The following GPR155 variants were observed in gnomAD, a reference collection of about 807,000 sequenced individuals.
GPR155 encodes G protein-coupled receptor 155.
In GPR155, 65 loss-of-function variants were observed where a neutral mutation model predicts 93.1. The observed-to-expected ratio is 0.70, with a 90% CI of 0.57 to 0.86. GPR155 has a LOEUF of 0.86. Ranked by LOEUF, GPR155 falls within the 40% of genes least tolerant of loss-of-function variation. GPR155 has a pLI of 0.00. For missense variants in GPR155, 838 were observed against 1,034.8 expected (o/e 0.81, Z 2.61); for synonymous variants, 319 against 360.1 (o/e 0.89, Z 1.29).
intron 11 of GPR155, among the ~76,000 whole-genome samples, 188 bp from the exon 12 acceptor site, chr2:174,446,935 T>TA (rs1687150558): frequency 1.3e-5 from 2 of 152,212 alleles, no homozygotes; most frequent in Non-Finnish European, 2.9e-5. Context: ...GAAATGTTTT[T>TA]ATCTCAAAAA....
chr2:174,448,541 T>G (rs1170900864), intron 11 of GPR155, among the ~76,000 whole-genome samples: 18 of 144,372 alleles, frequency 1.2e-4, no homozygotes, highest in East Asian at 4.1e-4. Flanking sequence ...TTTTTTTTTT[T>G]TTTTTTTGAG....
intron 15 of GPR155, among the ~76,000 whole-genome samples, chr2:174,438,075 C>CA (rs2105660475): frequency 6.6e-6 from 1 of 151,656 alleles, no homozygotes; most frequent in African/African-American, 2.4e-5. Context: ...GCCAACATGG[C>CA]AAAACTCCAT....
chr2:174,454,359 A>G (rs1687425091), intron 10 of GPR155, among the ~76,000 whole-genome samples: 1 of 151,754 alleles, frequency 6.6e-6, no homozygotes, highest in Non-Finnish European at 1.5e-5. Flanking sequence ...CTGGTCTAGA[A>G]CTCCCGACCT....
At chr2:174,480,103 G>A (rs1033797965) in intron 2 of GPR155, among the ~76,000 whole-genome samples, 1 of 152,164 alleles carries the variant, frequency 6.6e-6, no homozygotes. Flanking sequence ...AAACTGCTAG[G>A]TAAGAAACTT....
At chr2:174,445,817 AGTTAT>A (rs2105677156) in intron 12 of GPR155, among the ~76,000 whole-genome samples, 1 of 152,244 alleles carries the variant, frequency 6.6e-6, no homozygotes, top group South Asian at 2.1e-4. Flanking sequence ...TATATGAAGT[AGTTAT>A]GTTATTTTGA....
intron 10 of GPR155, among the ~76,000 whole-genome samples, chr2:174,455,999 G>A (rs1165200944): frequency 6.6e-6 from 1 of 151,834 alleles, no homozygotes; most frequent in Admixed American, 6.6e-5. Flanking sequence ...TGCCACCACA[G>A]CCTGGCAAAT....
At chr2:174,461,883 T>C (rs1687707773) in intron 7 of GPR155, among the ~76,000 whole-genome samples, 1 of 152,182 alleles carries the variant, frequency 6.6e-6, no homozygotes, top group African/African-American at 2.4e-5. Context: ...TCATATATTG[T>C]TTCTTTACTC....
chr2:174,445,006 C>G, intron 13 of GPR155, 75 bp downstream of exon 13: 1 of 745,396 alleles, frequency 1.3e-6, no homozygotes, highest in Non-Finnish European at 2.4e-6. Context: ...ATCCACTCCC[C>G]GCTTCCCCCG....
Position 174,468,770 on chromosome 2 carries a change from G to C in GPR155, c.1182+142C>G. The C allele has an allele frequency of 6.8e-6, 5 of 735,896 alleles. No individual in the cohort carries two copies. In the South Asian group the frequency reaches 7.7e-5, roughly 11 times the overall value. The allele number at this position is 735,896 out of a possible 1,614,324, so 45.6% of individuals were successfully genotyped here. Reference sequence around the variant, plus strand: ...TAGAAAAACAAAACTCAGTTAATCAGAAGGCTGACATTATATTTTATGGGC... The same window carrying C: ...TAGAAAAACAAAACTCAGTTAATCACAAGGCTGACATTATATTTTATGGGC... On this transcript the variant is annotated intron_variant, in intron 5 of 15. Coordinates refer to ENST00000392552, the MANE Select transcript of GPR155 (RefSeq NM_152529.7).
Position 174,477,910 on chromosome 2 carries a change from A to G in GPR155, c.460+3587T>C, listed in dbSNP as rs188720771. ...CTATTTTGATTCCTGCAGGGTTTCA[A>G]TCCCTAGCATATAACACAAAGACCC... On this transcript the variant is annotated intron_variant, in intron 2 of 15. Transcript: ENST00000392552. Among the ~76,000 whole-genome samples the G allele has an allele frequency of 3.3e-5, 5 of 152,270 alleles. No homozygotes were observed. The East Asian group carries it at 7.7e-4, about 23-fold the overall frequency.
At chr2:174,447,926 T>C (rs2105682435) in intron 11 of GPR155, among the ~76,000 whole-genome samples, 1 of 151,506 alleles carries the variant, frequency 6.6e-6, no homozygotes, top group Middle Eastern at 3.5e-3. Flanking sequence ...GTTTTATCAC[T>C]GATAAATCTA....
At chr2:174,483,692 C>G (rs774563296) in intron 1 of GPR155, among the ~76,000 whole-genome samples, 10 of 152,036 alleles carry the variant, frequency 6.6e-5, no homozygotes, top group Non-Finnish European at 1.2e-4. Context: ...TCAAGAGATT[C>G]TCCTGCCTTA....
At chr2:174,456,277 T>C (rs1320964712) in intron 10 of GPR155, among the ~76,000 whole-genome samples, 1 of 151,998 alleles carries the variant, frequency 6.6e-6, no homozygotes, top group Non-Finnish European at 1.5e-5. Context: ...ACCTATTTCC[T>C]GTGACCCAGG....
intron 2 of GPR155, among the ~76,000 whole-genome samples, chr2:174,477,227 T>A (rs1000060635): frequency 1.8e-4 from 27 of 152,144 alleles, no homozygotes; most frequent in Admixed American, 3.9e-4. Flanking sequence ...GTACATAATG[T>A]TTTAAAATAT....
chr2:174,483,544 TTATTAG>T lies in GPR155; in HGVS notation c.-31-1563_-31-1558del, dbSNP rs375958384. ...GGATAACTCTAAAGCTAATCAGCTT[TTATTAG>T]TATCTTGAAATTAAAATGACGACAA... On this transcript the variant is annotated intron_variant, in intron 1 of 15. Transcript: ENST00000392552. Among the ~76,000 whole-genome samples, 595 of 152,256 alleles carry T rather than the reference TTATTAG, an allele frequency of 3.9e-3. 6 individuals carry two copies. Among genetic ancestry groups the T allele is most frequent in the African/African-American group, 0.014 (581 of 41,550 alleles).
intron 5 of GPR155, among the ~76,000 whole-genome samples, chr2:174,466,977 C>T (rs1317667557): frequency 6.6e-6 from 1 of 151,350 alleles, no homozygotes; most frequent in South Asian, 2.1e-4. Flanking sequence ...GCCAACATGA[C>T]GAAACCCTGT....
Position 174,459,935 on chromosome 2 carries a change from C to A in GPR155, c.1714G>T (p.Glu572Ter), listed in dbSNP as rs146011642. Residue 572 changes from glutamate to a stop codon, truncating the protein, a stop_gained, in exon 10 of 16, where the codon GAG (glutamate) becomes TAG (stop). Coordinates refer to ENST00000392552, the MANE Select transcript of GPR155 (RefSeq NM_152529.7). LOFTEE classifies it high-confidence loss of function. ...GGTTCATTTACTGGTGCTGGACTCT[C>A]CTCAAAAGCAGTATTTCCAGGCTCC... is the stretch of plus-strand genomic sequence containing the variant. ...VVEPGNTAFE[E>*]SPAPVNEPEL... The A allele has an allele frequency of 7.4e-6, 12 of 1,613,968 alleles. No homozygotes were observed. The highest frequency in any genetic ancestry group is 1.0e-5 in the Non-Finnish European group (12 of 1,179,990).
At chr2:174,453,668 G>GAAA in intron 11 of GPR155, 69 bp downstream of exon 11, 28 of 511,646 alleles carry the variant, frequency 5.5e-5, no homozygotes, top group African/African-American at 1.4e-4. Context: ...TCAAAAAAAA[G>GAAA]AAAAAAAAAA....
chr2:174,440,138 T>C, intron 14 of GPR155, 103 bp from the exon 15 acceptor site: 2 of 865,998 alleles, frequency 2.3e-6, no homozygotes, highest in South Asian at 1.7e-5. Context: ...AAGCTGTCGA[T>C]CACCAAAGCT....
Sources: allele counts gnomAD v4.1 joint callset (sites outside exome capture counted in the v4.1 genomes callset), GRCh38; gene constraint gnomAD v4.1.1; transcripts MANE v1.5; gene names NCBI Gene and HGNC (gene_info 2026-07-23, HGNC 2026-07-21).